CHCHD3: variants seen among roughly 807,000 people sequenced by gnomAD.
The protein encoded by CHCHD3 is MICOS complex subunit MIC19.
CHCHD3 carries 20 observed loss-of-function variants against 38.2 expected under a neutral mutation model. The ratio of observed to expected loss-of-function variants is 0.52; its 90% CI spans 0.37 to 0.76. The LOEUF is 0.76. CHCHD3 is among the 30% of genes least tolerant of loss of function. The probability of loss-of-function intolerance (pLI) is 0.00; values close to 1 mark genes in which losing one functional copy is unlikely to be tolerated. For missense variants in CHCHD3, 245 were observed against 279.2 expected (o/e 0.88, Z 0.87); for synonymous variants, 82 against 100.0 (o/e 0.82, Z 1.07).
chr7:132,855,328 A>G (rs1292033170), intron 5 of CHCHD3, among the ~76,000 whole-genome samples: 3 of 152,204 alleles, frequency 2.0e-5, no homozygotes, highest in African/African-American at 7.2e-5. Flanking sequence ...GATGATACAC[A>G]TATCTGAAGT....
chr7:132,820,611 GTTTTTTTTT>G (rs748470167), intron 6 of CHCHD3, among the ~76,000 whole-genome samples: 2 of 96,190 alleles, frequency 2.1e-5, no homozygotes, highest in African/African-American at 3.9e-5. Context: ...ATGTGCTAGT[GTTTTTTTTT>G]TTTTTTTTTT....
intron 2 of CHCHD3, among the ~76,000 whole-genome samples, chr7:133,037,588 G>A (rs970744863): frequency 2.6e-5 from 4 of 152,190 alleles, no homozygotes; most frequent in Admixed American, 6.5e-5. Context: ...TGAGGCAGGC[G>A]GATCACCTGA....
rs373176199 is a variant in CHCHD3, at chr7:132,847,828, C to G, written c.454-9359G>C. On this transcript the variant is annotated intron_variant, in intron 5 of 7. Coordinates refer to ENST00000262570, the MANE Select transcript of CHCHD3 (RefSeq NM_017812.4). The stretch of plus-strand genomic sequence containing the variant: ...ATACCCATCGCATGTACAAAAAGAA[C>G]AAATCAAAGAGGTCATAAGAAAAAT... 2.6e-5 allele frequency among the ~76,000 whole-genome samples: 4 copies of G among 152,086 alleles called. No homozygotes were observed. In the East Asian group the frequency reaches 7.7e-4, roughly 29 times the overall value.
chr7:132,854,730 G>A (rs893169617), intron 5 of CHCHD3, among the ~76,000 whole-genome samples: 12 of 152,252 alleles, frequency 7.9e-5, no homozygotes, highest in Non-Finnish European at 1.5e-4. Context: ...AACTTCTACA[G>A]AGTAAGGTCC....
intron 7 of CHCHD3, among the ~76,000 whole-genome samples, chr7:132,786,076 G>A (rs1286749343): frequency 2.0e-5 from 3 of 152,176 alleles, no homozygotes; most frequent in Admixed American, 6.5e-5. Context: ...TACTCGAGAC[G>A]CTGAGGTGGG....
At chr7:133,032,055 C>T (rs1409590033) in intron 2 of CHCHD3, among the ~76,000 whole-genome samples, 1 of 152,102 alleles carries the variant, frequency 6.6e-6, no homozygotes, top group East Asian at 1.9e-4. Flanking sequence ...AAATCTTGTC[C>T]TGCTCCTTAT....
intron 5 of CHCHD3, among the ~76,000 whole-genome samples, chr7:132,866,084 A>G (rs1808618331): frequency 6.6e-6 from 1 of 152,174 alleles, no homozygotes; most frequent in Non-Finnish European, 1.5e-5. Context: ...CAATCTATGG[A>G]CAACGTTAAA....
chr7:132,963,403 G>A (rs1353149520), intron 4 of CHCHD3, among the ~76,000 whole-genome samples: 5 of 146,196 alleles, frequency 3.4e-5, no homozygotes, highest in Non-Finnish European at 6.0e-5. Context: ...AGGCCAAGGC[G>A]GGCGGATCAC....
At chr7:133,071,437 AAC>A (rs1357099092) in intron 1 of CHCHD3, among the ~76,000 whole-genome samples, 1 of 152,210 alleles carries the variant, frequency 6.6e-6, no homozygotes, top group Non-Finnish European at 1.5e-5. Context: ...CTTCAATTGA[AAC>A]AGTTTGAACT....
intron 5 of CHCHD3, among the ~76,000 whole-genome samples, chr7:132,846,186 G>A (rs1808071972): frequency 1.3e-5 from 2 of 152,198 alleles, no homozygotes; most frequent in South Asian, 4.1e-4. Flanking sequence ...CTGTGTTTGT[G>A]TCTTGCTCTG....
chr7:132,985,404 C>T lies in CHCHD3; in HGVS notation c.252-10118G>A, dbSNP rs1196618043. Among the ~76,000 whole-genome samples, 4 of 79,474 alleles carry T rather than the reference C, an allele frequency of 5.0e-5. 1 individual carries two copies. The highest frequency in any genetic ancestry group is 1.9e-4 in the African/African-American group (4 of 20,958). 52.1% of individuals were successfully genotyped at this position (79,474 alleles called of 152,430 possible). On this transcript the variant is annotated intron_variant, in intron 3 of 7. Coordinates refer to ENST00000262570, the MANE Select transcript of CHCHD3 (RefSeq NM_017812.4). ...GGGGTCAGCCCCCCGCCCGGCCAGC[C>T]GCCCTATCCGGGAGGTGAGGGGCGC... is the stretch of plus-strand genomic sequence containing the variant.
intron 3 of CHCHD3, among the ~76,000 whole-genome samples, chr7:132,985,390 C>T (rs1197397882): frequency 7.5e-5 from 6 of 80,436 alleles, no homozygotes; most frequent in Non-Finnish European, 5.2e-5. Context: ...GGGTCAGCCC[C>T]CCGCCCGGCC....
In CHCHD3 at chr7:132,975,152, A is replaced by G. The variant is rs754232284; in HGVS notation, c.369+17T>C. On this transcript the variant is annotated intron_variant, in intron 4 of 7. Transcript: ENST00000262570. ...CCTTGTAGGCAAGAAAATTTCTCCT[A>G]CATTTTTAATACTCACCAGGTGCTT... 1 of 1,598,444 alleles carries G rather than the reference A, an allele frequency of 6.3e-7. No individual in the cohort carries two copies. Among genetic ancestry groups the G allele is most frequent in the Non-Finnish European group, 8.6e-7 (1 of 1,167,828 alleles).
At chr7:132,987,529 C>T (rs1000242085) in intron 3 of CHCHD3, among the ~76,000 whole-genome samples, 5 of 152,200 alleles carry the variant, frequency 3.3e-5, no homozygotes, top group Non-Finnish European at 5.9e-5. Context: ...AGAAGATGGA[C>T]GACATTATGG....
At position 132,838,447 on chromosome 7, in the gene CHCHD3, G is replaced by C. The variant is rs766028406; in HGVS notation, c.476C>G (p.Thr159Ser). ...EERSSEFYRVTTEQYQKAAEE... is the reference protein window; with the variant it reads ...EERSSEFYRVSTEQYQKAAEE... The stretch of plus-strand genomic sequence containing the variant: ...AGCAGCTTTCTGATATTGTTCAGTG[G>C]TGACTCTGTAGAACTCTGAGCTCTG... The change falls in exon 6 of 8, where the codon ACC becomes AGC. Residue 159 changes from threonine to serine, a missense_variant. Coordinates refer to ENST00000262570, the MANE Select transcript of CHCHD3 (RefSeq NM_017812.4). 14 of 1,612,534 alleles carry C rather than the reference G, an allele frequency of 8.7e-6. No individual in the cohort carries two copies. Among genetic ancestry groups the C allele is most frequent in the Non-Finnish European group, 1.2e-5 (14 of 1,179,068 alleles).
chr7:133,051,354 C>A (rs1371428918), intron 2 of CHCHD3, among the ~76,000 whole-genome samples: 1 of 152,144 alleles, frequency 6.6e-6, no homozygotes, highest in Non-Finnish European at 1.5e-5. Flanking sequence ...ACACACCCTT[C>A]CAAACCAAAA....
chr7:132,950,246 A>G (rs1811005692), intron 4 of CHCHD3, among the ~76,000 whole-genome samples: 1 of 152,166 alleles, frequency 6.6e-6, no homozygotes, highest in African/African-American at 2.4e-5. Context: ...GATCGACTAC[A>G]TGCTAAACCT....
intron 5 of CHCHD3, among the ~76,000 whole-genome samples, chr7:132,840,514 T>G (rs1807914263): frequency 6.6e-6 from 1 of 152,240 alleles, no homozygotes; most frequent in Non-Finnish European, 1.5e-5. Flanking sequence ...TTCTGTGACC[T>G]TGAGCAGGTC....
chr7:132,865,429 T>C lies in CHCHD3; in HGVS notation c.453+20233A>G, dbSNP rs111346582. Among the ~76,000 whole-genome samples the C allele has an allele frequency of 5.3e-5, 8 of 152,274 alleles. 1 individual carries two copies. Among genetic ancestry groups the C allele is most frequent in the African/African-American group, 1.9e-4 (8 of 41,564 alleles). On this transcript the variant is annotated intron_variant, in intron 5 of 7. Transcript: ENST00000262570. Reference sequence around the variant, plus strand: ...AACACCACAAAAACTGGGGACTCAGTGCAAAGATGACAGGTGCAAATAACA... The same window carrying C: ...AACACCACAAAAACTGGGGACTCAGCGCAAAGATGACAGGTGCAAATAACA...
Sources: allele counts gnomAD v4.1 joint callset (sites outside exome capture counted in the v4.1 genomes callset), GRCh38; gene constraint gnomAD v4.1.1; transcripts MANE v1.5; gene names NCBI Gene and HGNC (gene_info 2026-07-23, HGNC 2026-07-21).